The following CENPK variants were observed in gnomAD, a reference collection of about 807,000 sequenced individuals.
The protein encoded by CENPK is SoxLZ/Sox6-binding protein Solt.
CENPK carries 46 observed loss-of-function variants against 40.9 expected under a neutral mutation model. That is an observed-to-expected ratio of 1.13 (90% CI 0.89 to 1.44). The LOEUF (loss-of-function observed/expected upper bound fraction) is 1.44, where lower values mean the gene tolerates loss of function less well. Ranked by LOEUF, CENPK falls within the 40% of genes most tolerant of loss-of-function variation. The pLI is 0.00. For synonymous variants in CENPK, 107 were observed against 104.4 expected (o/e 1.02, Z -0.15); for missense variants, 288 against 303.5 (o/e 0.95, Z 0.38).
the CENPK span, among the ~76,000 whole-genome samples, chr5:65,506,756 G>A: frequency 1.3e-5 from 2 of 151,966 alleles, no homozygotes; most frequent in African/African-American, 4.8e-5. Context: ...CTGCACTCCA[G>A]CCTGGGCAGC....
intron 9 of CENPK, among the ~76,000 whole-genome samples, chr5:65,525,203 C>A (rs896043091): frequency 1.3e-4 from 19 of 151,864 alleles, no homozygotes; most frequent in South Asian, 2.1e-4. Context: ...TACTAAAAAA[C>A]AAAGATAGAA....
At chr5:65,561,366 G>A (rs1314498858) in intron 2 of CENPK, 97 bp downstream of exon 2, 1 of 309,250 alleles carries the variant, frequency 3.2e-6, no homozygotes, top group African/African-American at 2.1e-5. Flanking sequence ...TGGGGGCGGA[G>A]GGTGAGGGAT....
intron 10 of CENPK, among the ~76,000 whole-genome samples, chr5:65,520,510 TA>T (rs921379501): frequency 2.2e-4 from 33 of 151,392 alleles, no homozygotes; most frequent in African/African-American, 6.8e-4. Flanking sequence ...CAATTTTTAT[TA>T]AAAAAAAAGG....
At chr5:65,520,963 C>A (rs1032287999) in intron 10 of CENPK, among the ~76,000 whole-genome samples, 24 of 152,024 alleles carry the variant, frequency 1.6e-4, no homozygotes, top group African/African-American at 5.8e-4. Context: ...AGGTATATGT[C>A]AAATCAGAGA....
chr5:65,510,462 G>A, the CENPK span, among the ~76,000 whole-genome samples: 2 of 152,134 alleles, frequency 1.3e-5, no homozygotes, highest in African/African-American at 2.4e-5. Flanking sequence ...ATTGGGTCAC[G>A]AGGACTGTGC....
the CENPK span, among the ~76,000 whole-genome samples, chr5:65,499,649 A>AT: frequency 1.3e-5 from 1 of 76,756 alleles, no homozygotes; most frequent in African/African-American, 6.2e-5. Flanking sequence ...AAAATATTAG[A>AT]TCTTTTTTTT....
chr5:65,537,322 T>G (rs1260449731), intron 6 of CENPK, among the ~76,000 whole-genome samples: 1 of 152,244 alleles, frequency 6.6e-6, no homozygotes, highest in East Asian at 1.9e-4. Context: ...TGTTTTTTTT[T>G]GAGACGGAGT....
chr5:65,535,615 C>T (rs1284031765), intron 6 of CENPK, among the ~76,000 whole-genome samples: 1 of 152,226 alleles, frequency 6.6e-6, no homozygotes, highest in Non-Finnish European at 1.5e-5. Flanking sequence ...CCACGTCACA[C>T]ATAGTTGCAG....
chr5:65,536,205 T>C (rs910967818), intron 6 of CENPK, among the ~76,000 whole-genome samples: 2 of 152,200 alleles, frequency 1.3e-5, no homozygotes, highest in African/African-American at 4.8e-5. Context: ...CTACAGTTGC[T>C]AGTTTGGGGT....
intron 6 of CENPK, among the ~76,000 whole-genome samples, chr5:65,540,189 T>C (rs903317343): frequency 1.3e-5 from 2 of 152,216 alleles, no homozygotes; most frequent in Admixed American, 1.3e-4. Context: ...TTATTAGCAA[T>C]TTAAGTCATT....
the CENPK span, among the ~76,000 whole-genome samples, chr5:65,502,449 AGGAG>A: frequency 6.6e-6 from 1 of 152,216 alleles, no homozygotes; most frequent in Non-Finnish European, 1.5e-5. Flanking sequence ...TACAATTAAC[AGGAG>A]GAATAGAGAG....
intron 5 of CENPK, among the ~76,000 whole-genome samples, chr5:65,549,193 A>C (rs1455259820): frequency 6.6e-6 from 1 of 152,088 alleles, no homozygotes; most frequent in Non-Finnish European, 1.5e-5. Flanking sequence ...GAGCAGTAAT[A>C]TTTTGAAAGG....
chr5:65,522,365 TA>T (rs1287183048), intron 9 of CENPK, among the ~76,000 whole-genome samples: 1 of 152,208 alleles, frequency 6.6e-6, no homozygotes, highest in Non-Finnish European at 1.5e-5. Flanking sequence ...TGAAGACTGC[TA>T]TTATAAGGCT....
chr5:65,558,660 C>T (rs1318416670), intron 2 of CENPK, among the ~76,000 whole-genome samples: 1 of 152,086 alleles, frequency 6.6e-6, no homozygotes, highest in Non-Finnish European at 1.5e-5. Context: ...ACAGGCTCAC[C>T]TGAGATTAGT....
chr5:65,536,652 T>G (rs1259278071), intron 6 of CENPK, among the ~76,000 whole-genome samples: 3 of 151,344 alleles, frequency 2.0e-5, no homozygotes, highest in Non-Finnish European at 4.4e-5. Flanking sequence ...ATGTAGGGAT[T>G]GGGGGGGAGA....
the CENPK span, among the ~76,000 whole-genome samples, chr5:65,503,458 CT>C: frequency 3.3e-5 from 5 of 152,112 alleles, no homozygotes; most frequent in East Asian, 9.7e-4. Context: ...TAGGAGAGCT[CT>C]TTATGTATTT....
chr5:65,539,585 TG>T (rs1210196338), intron 6 of CENPK, among the ~76,000 whole-genome samples: 2 of 152,254 alleles, frequency 1.3e-5, no homozygotes, highest in African/African-American at 4.8e-5. Flanking sequence ...CAGGTGGCTC[TG>T]CCCCTGCAGC....
At chr5:65,530,950 G>GA (rs2150385065) in intron 6 of CENPK, among the ~76,000 whole-genome samples, 1 of 152,172 alleles carries the variant, frequency 6.6e-6, no homozygotes, top group African/African-American at 2.4e-5. Context: ...CACAATCCAA[G>GA]AAAGTGGGAA....
intron 10 of CENPK, among the ~76,000 whole-genome samples, chr5:65,520,928 A>G (rs564441815): frequency 6.6e-5 from 10 of 152,328 alleles, no homozygotes; most frequent in African/African-American, 2.2e-4. Flanking sequence ...ACATTTTTGA[A>G]AAGGTCAAAG....
Sources: gnomAD v4.1 joint callset for allele counts (sites outside exome capture counted in the v4.1 genomes callset) on GRCh38, gnomAD v4.1.1 for gene constraint, MANE v1.5 for transcripts, NCBI Gene and HGNC (gene_info 2026-07-23, HGNC 2026-07-21) for gene names.